Variants in MTRR observed in about 807,000 individuals in gnomAD.
The protein encoded by MTRR is methionine synthase reductase.
MTRR carries 63 observed loss-of-function variants against 79.2 expected under a neutral mutation model. The ratio of observed to expected loss-of-function variants is 0.80; its 90% CI spans 0.65 to 0.98. The LOEUF (loss-of-function observed/expected upper bound fraction) is 0.98. Ranked by LOEUF, MTRR falls within the 50% of genes least tolerant of loss-of-function variation. The pLI is 0.00. For synonymous variants in MTRR, 355 were observed against 313.3 expected, an observed-to-expected ratio of 1.13 and a Z score of -1.41; for missense variants, 895 against 839.6, an observed-to-expected ratio of 1.07 and a Z score of -0.82.
upstream of MTRR, chr5:7,868,257 G>A (rs1747201731): frequency 1.3e-5 from 7 of 546,086 alleles, 1 homozygote; most frequent in South Asian, 1.9e-4. Context: ...GAGGGGCAAA[G>A]TCTCTGCATC....
chr5:7,878,635 ATTAC>A (rs1205313723), intron 5 of MTRR, among the ~76,000 whole-genome samples: 8 of 152,258 alleles, frequency 5.3e-5, no homozygotes, highest in Non-Finnish European at 1.2e-4. Context: ...GTCTTGTATT[ATTAC>A]TTCTGTATTT....
chr5:7,851,113 G>A, upstream of MTRR: 1 of 1,216,208 alleles, frequency 8.2e-7, no homozygotes, highest in Non-Finnish European at 1.0e-6. Flanking sequence ...GTTGCTCAGC[G>A]CCAGCGTCTA....
upstream of MTRR, chr5:7,867,817 C>A (rs1188153511): frequency 6.2e-7 from 1 of 1,614,132 alleles, no homozygotes; most frequent in Non-Finnish European, 8.5e-7. Flanking sequence ...TTTGTTCAAG[C>A]CTGTCGCAGT....
rs559035472 is a variant in MTRR at position 7,880,740 on chromosome 5, C to T, written c.781-2415C>T. On this transcript the variant is annotated intron_variant, in intron 5 of 14. Transcript: ENST00000440940. ...ATCTTAACGTCATAGGCCAATAATT[C>T]GGTGTTGCCCTGTGCCAGCTGCTGA... Among the ~76,000 whole-genome samples the T allele has an allele frequency of 9.2e-5, 14 of 152,296 alleles. No individual in the cohort carries two copies. In the South Asian group the frequency reaches 1.5e-3, roughly 16 times the overall value.
chr5:7,899,798 G>A (rs1739180987), intron 14 of MTRR, 116 bp from the exon 15 acceptor site: 1 of 1,349,578 alleles, frequency 7.4e-7, no homozygotes, highest in Non-Finnish European at 1.1e-6. Context: ...GATGTTCTGA[G>A]AAGACGGAGG....
At chr5:7,852,049 C>T (rs1346448783) in intron 1 of MTRR, among the ~76,000 whole-genome samples, 1 of 152,154 alleles carries the variant, frequency 6.6e-6, no homozygotes. Flanking sequence ...TCCTCTGAGG[C>T]AGAGACAATC....
intron 9 of MTRR, among the ~76,000 whole-genome samples, chr5:7,890,738 CAT>C (rs1440964832): frequency 6.6e-6 from 1 of 152,086 alleles, no homozygotes; most frequent in Non-Finnish European, 1.5e-5. Context: ...CATACCAAAA[CAT>C]AAAACATTTC....
rs10064631 is a variant in MTRR at position 7,885,794 on chromosome 5, C to A, written c.997C>A (p.Leu333Ile). The A allele has an allele frequency of 7.4e-6, 12 of 1,613,772 alleles. No homozygotes were observed. The African/African-American group carries it at 1.6e-4, about 22-fold the overall frequency. ...ACAAAGCCTACTCCAAAGACTGCAG[C>A]TTGAAGATAAAAGAGAGCACTGCGT... ...EVQSLLQRLQ[L>I]EDKREHCVLL... Residue 333 changes from leucine (L) to isoleucine (I), a missense_variant, in exon 7 of 15, where the codon CTT (leucine) becomes ATT (isoleucine). By Grantham distance (5) the Leu-to-Ile change is conservative. Transcript: ENST00000440940.
intron 1 of MTRR, chr5:7,861,835 C>G: frequency 1.6e-6 from 2 of 1,261,988 alleles, no homozygotes; most frequent in Non-Finnish European, 2.0e-6. Flanking sequence ...GCTTTATGAT[C>G]AATCAAGTCA....
intron 1 of MTRR, chr5:7,870,180 C>A (rs779031479): frequency 3.6e-6 from 2 of 561,306 alleles, no homozygotes; most frequent in Non-Finnish European, 4.5e-6. Flanking sequence ...CATACACTCA[C>A]ATATTTTTGA....
chr5:7,875,237 T>C (rs745331841), intron 3 of MTRR, 21 bp from the exon 4 acceptor site: 1 of 1,475,268 alleles, frequency 6.8e-7, no homozygotes, highest in East Asian at 2.3e-5. Flanking sequence ...TGTGCATTAA[T>C]TATGTATTTG....
chr5:7,886,437 G>T, intron 7 of MTRR, 178 bp from the exon 8 acceptor site: 2 of 589,048 alleles, frequency 3.4e-6, no homozygotes, highest in South Asian at 2.1e-5. Context: ...TTGTAAGGTG[G>T]AGTTTTTTAC....
intron 6 of MTRR, chr5:7,884,994 T>A (rs918025540): frequency 6.6e-6 from 1 of 152,304 alleles, no homozygotes; most frequent in Non-Finnish European, 1.5e-5. Context: ...AGGCAAGGGT[T>A]GGTCTGTGCT....
intron 4 of MTRR, among the ~76,000 whole-genome samples, chr5:7,875,860 A>G (rs988703944): frequency 1.3e-4 from 20 of 152,230 alleles, no homozygotes; most frequent in African/African-American, 3.9e-4. Flanking sequence ...ATTTGCCACC[A>G]TGCCAATCAG....
chr5:7,862,774 C>T (rs765010675), intron 2 of MTRR: 52 of 1,490,864 alleles, frequency 3.5e-5, no homozygotes, highest in South Asian at 1.4e-4. Flanking sequence ...TCTCCAAAAT[C>T]GAACAGGATG....
At position 7,878,116 on chromosome 5, in the gene MTRR, G is replaced by C. The variant is rs143058455; in HGVS notation, c.574G>C (p.Glu192Gln). The change falls in exon 5 of 15, where the codon GAG becomes CAG. Residue 192 changes from glutamate (E) to glutamine (Q), a missense_variant. Transcript: ENST00000440940. ...SELLHIESQV[E>Q]LLRFDDSGRK... ...GCTGCTACACATTGAATCTCAAGTC[G>C]AGCTTCTGAGATTCGATGATTCAGG... The C allele has an allele frequency of 6.2e-7, 1 of 1,613,906 alleles. No individual in the cohort carries two copies. The highest frequency in any genetic ancestry group is 1.7e-5 in the Admixed American group (1 of 59,992).
rs78338958 is a variant in MTRR, at chr5:7,881,822, G to C, written c.781-1333G>C. On this transcript the variant is annotated intron_variant, in intron 5 of 14. Coordinates refer to ENST00000440940, the MANE Select transcript of MTRR (RefSeq NM_002454.3). ...AGTCCCACCAGTCTTCTCTTCTGCT[G>C]TTTCTCTCTAGTTCTCAAGCACCTG... Among the ~76,000 whole-genome samples the C allele has an allele frequency of 1.1e-3, 162 of 152,114 alleles. 2 individuals are homozygous for C. In the East Asian group the frequency reaches 0.026, roughly 25 times the overall value.
intron 1 of MTRR, among the ~76,000 whole-genome samples, chr5:7,860,159 A>G (rs1746432576): frequency 6.6e-6 from 1 of 152,222 alleles, no homozygotes; most frequent in African/African-American, 2.4e-5. Context: ...GAAACATTGA[A>G]GCTTCTGAGT....
chr5:7,885,731 G>C lies in MTRR; in HGVS notation c.934G>C (p.Ala312Pro). 6.2e-7 allele frequency: 1 copy of C among 1,612,458 alleles called. No homozygotes were observed. Residue 312 changes from alanine to proline, a missense_variant, in exon 7 of 15, where the codon GCC (alanine) becomes CCC (proline). Physicochemically the swap from Ala to Pro is conservative, Grantham distance 27. Coordinates refer to ENST00000440940, the MANE Select transcript of MTRR (RefSeq NM_002454.3). Reference sequence around the variant, plus strand: ...AGACTTTTCCTATCAGCCTGGAGATGCCTTCAGCGTGATCTGCCCTAACAG... The same window carrying C: ...AGACTTTTCCTATCAGCCTGGAGATCCCTTCAGCGTGATCTGCCCTAACAG... ...NTDFSYQPGD[A>P]FSVICPNSDS...
Sources: allele counts gnomAD v4.1 joint callset (sites outside exome capture counted in the v4.1 genomes callset), GRCh38; gene constraint gnomAD v4.1.1; transcripts MANE v1.5; gene names NCBI Gene and HGNC (gene_info 2026-07-23, HGNC 2026-07-21).